Variants in SAMD4A observed in about 807,000 individuals in gnomAD.
The protein encoded by SAMD4A is protein Smaug homolog 1.
Under a neutral mutation model 81.3 loss-of-function variants are expected in SAMD4A, and 33 were observed. The observed-to-expected ratio is 0.41, with a 90% CI of 0.31 to 0.54. The LOEUF (loss-of-function observed/expected upper bound fraction) is 0.54. Among genes scored for constraint, SAMD4A ranks in the 20% least tolerant of loss-of-function variants. The pLI is 0.37. For missense variants in SAMD4A, 854 were observed against 951.1 expected (o/e 0.90, Z 1.34); for synonymous variants, 389 against 382.1 (o/e 1.02, Z -0.21).
chr14:54,605,122 G>T (rs1224597681), intron 2 of SAMD4A, among the ~76,000 whole-genome samples: 3 of 152,136 alleles, frequency 2.0e-5, no homozygotes, highest in Admixed American at 1.3e-4. Context: ...TAATAGTGTT[G>T]TTCGTGATGT....
chr14:54,616,895 T>C (rs1454030414), intron 2 of SAMD4A, among the ~76,000 whole-genome samples: 1 of 152,348 alleles, frequency 6.6e-6, no homozygotes, highest in East Asian at 1.9e-4. Context: ...GAAGAAATAC[T>C]GTCCTTTAAT....
chr14:54,718,681 G>A (rs1290685608), intron 3 of SAMD4A, among the ~76,000 whole-genome samples: 4 of 152,074 alleles, frequency 2.6e-5, no homozygotes, highest in Non-Finnish European at 5.9e-5. Context: ...TGAGAGAAAC[G>A]AAGCATGTCC....
chr14:54,609,554 G>A (rs2034303570), intron 2 of SAMD4A, among the ~76,000 whole-genome samples: 2 of 152,340 alleles, frequency 1.3e-5, no homozygotes, highest in East Asian at 3.9e-4. Flanking sequence ...TGGTCACCTT[G>A]TGAAGAATAA....
intron 2 of SAMD4A, among the ~76,000 whole-genome samples, chr14:54,664,637 C>T (rs779737211): frequency 2.0e-5 from 3 of 152,090 alleles, no homozygotes; most frequent in South Asian, 2.1e-4. Flanking sequence ...TTCTTACTCC[C>T]TAAGCAATGT....
upstream of SAMD4A, among the ~76,000 whole-genome samples, chr14:54,565,944 C>T (rs1449449021): frequency 6.6e-6 from 1 of 152,058 alleles, no homozygotes; most frequent in South Asian, 2.1e-4. This position sits in a 1 kb window ranked among gnomAD's most constrained non-coding sequence, Gnocchi z 5.4. Flanking sequence ...AGGAATCCGT[C>T]CCCCCGCCCT....
intron 9 of SAMD4A, among the ~76,000 whole-genome samples, chr14:54,773,667 C>T (rs2038762962): frequency 6.6e-6 from 1 of 152,236 alleles, no homozygotes; most frequent in Admixed American, 6.5e-5. Flanking sequence ...TGCCCTGGCC[C>T]TTATGCAGCC....
intron 2 of SAMD4A, among the ~76,000 whole-genome samples, chr14:54,588,692 T>A (rs2033691162): frequency 6.6e-6 from 1 of 152,342 alleles, no homozygotes; most frequent in African/African-American, 2.4e-5. Flanking sequence ...TCTTTGGTGA[T>A]ACTTTTTCAT....
chr14:54,652,994 C>T (rs554824475), intron 2 of SAMD4A, among the ~76,000 whole-genome samples: 6 of 152,092 alleles, frequency 3.9e-5, no homozygotes, highest in African/African-American at 9.7e-5. Flanking sequence ...CCTCTCCAGC[C>T]GTCCACTATG....
chr14:54,777,620 T>A (rs893329763), intron 11 of SAMD4A, among the ~76,000 whole-genome samples: 10 of 151,656 alleles, frequency 6.6e-5, no homozygotes, highest in African/African-American at 2.4e-4. Flanking sequence ...GGGGGATTCC[T>A]CCACATGGGG....
chr14:54,616,372 A>G (rs1479530788), intron 2 of SAMD4A, among the ~76,000 whole-genome samples: 1 of 152,220 alleles, frequency 6.6e-6, no homozygotes, highest in Non-Finnish European at 1.5e-5. Context: ...ACACATCTGC[A>G]GAAAAGATCA....
At chr14:54,688,818 C>A (rs2036349993) in intron 2 of SAMD4A, among the ~76,000 whole-genome samples, 1 of 152,106 alleles carries the variant, frequency 6.6e-6, no homozygotes, top group Admixed American at 6.6e-5. Context: ...CAATTGGAGG[C>A]CATGATTTTC....
intron 2 of SAMD4A, chr14:54,689,591 C>T (rs2036376980): frequency 2.0e-5 from 3 of 152,242 alleles, no homozygotes; most frequent in African/African-American, 7.2e-5. Context: ...TGCTCTCATT[C>T]CCCACGCCAT....
intron 7 of SAMD4A, among the ~76,000 whole-genome samples, chr14:54,762,098 G>A (rs936731425): frequency 1.2e-4 from 18 of 152,136 alleles, no homozygotes; most frequent in Admixed American, 4.6e-4. Flanking sequence ...CACGCCTGTC[G>A]GGGAGGGTAG....
chr14:54,685,840 A>G (rs775596158), intron 2 of SAMD4A: 1 of 456,698 alleles, frequency 2.2e-6, no homozygotes. Flanking sequence ...TAACATCTGG[A>G]GAAAAAGGAA....
chr14:54,686,502 G>A (rs2140623939), intron 2 of SAMD4A, among the ~76,000 whole-genome samples: 1 of 151,478 alleles, frequency 6.6e-6, no homozygotes, highest in South Asian at 2.1e-4. Flanking sequence ...ATTTTTGTCT[G>A]ATTTTGTTTT....
chr14:54,754,709 C>A, intron 6 of SAMD4A: 1 of 355,878 alleles, frequency 2.8e-6, no homozygotes, highest in Non-Finnish European at 4.0e-6. Context: ...AAGTCATCTG[C>A]CCTTGCCTGC....
intron 4 of SAMD4A, among the ~76,000 whole-genome samples, chr14:54,739,055 C>CTTTTTTTTTCTT (rs2037776382): frequency 1.0e-5 from 1 of 97,346 alleles, no homozygotes; most frequent in African/African-American, 4.8e-5. Flanking sequence ...CTTTCCTTTT[C>CTTTTTTTTTCTT]TTTTTTTTTT....
intron 2 of SAMD4A, among the ~76,000 whole-genome samples, chr14:54,664,679 A>G (rs1329603474): frequency 6.6e-6 from 1 of 151,724 alleles, no homozygotes; most frequent in Non-Finnish European, 1.5e-5. Flanking sequence ...TGCTCCTATG[A>G]TGTGACTCTG....
rs1363275830 is a variant in SAMD4A at position 54,578,058 on chromosome 14, A to T, written c.196+9946A>T. On this transcript the variant is annotated intron_variant, in intron 2 of 12. Transcript: ENST00000554335. The stretch of plus-strand genomic sequence containing the variant: ...TTTCGAGTAAGACTGGCTCCTGTTT[A>T]TTGAGCACCTGCTCTGTGCCAGTTG... 4.6e-5 allele frequency among the ~76,000 whole-genome samples: 7 copies of T among 152,200 alleles called. No homozygotes were observed. In the East Asian group the frequency reaches 1.3e-3, roughly 29 times the overall value.
Sources: gnomAD v4.1 joint callset for allele counts (sites outside exome capture counted in the v4.1 genomes callset) on GRCh38, gnomAD v4.1.1 for gene constraint, Gnocchi (gnomAD v3.1) non-coding constraint, MANE v1.5 for transcripts, NCBI Gene and HGNC (gene_info 2026-07-23, HGNC 2026-07-21) for gene names.